PHTF1: variants seen among roughly 807,000 people sequenced by gnomAD.
PHTF1 encodes protein PHTF1.
A neutral mutation model predicts 102.4 loss-of-function variants in PHTF1; 88 were observed. That is an observed-to-expected ratio of 0.86 (90% confidence interval 0.72 to 1.03). PHTF1 has a LOEUF of 1.03. PHTF1 is among the 50% of genes least tolerant of loss of function. The pLI, the probability that PHTF1 is intolerant of heterozygous loss-of-function variation, is 0.00. For synonymous variants in PHTF1, 289 were observed against 305.2 expected (o/e 0.95, Z 0.55); for missense variants, 814 against 909.5 (o/e 0.89, Z 1.35).
intron 7 of PHTF1, among the ~76,000 whole-genome samples, chr1:113,720,906 C>T (rs186311182): frequency 8.5e-5 from 13 of 152,178 alleles, no homozygotes; most frequent in Admixed American, 2.6e-4. Flanking sequence ...GTTCTCAAAT[C>T]TCAATACTTG....
At chr1:113,725,183 C>G (rs1653646231) in intron 6 of PHTF1, among the ~76,000 whole-genome samples, 1 of 152,050 alleles carries the variant, frequency 6.6e-6, no homozygotes, top group South Asian at 2.1e-4. Flanking sequence ...TCTGTTCAGG[C>G]ACATTCAACA....
chr1:113,735,364 T>TAAAAA (rs1273125946), intron 5 of PHTF1, among the ~76,000 whole-genome samples: 1 of 3,874 alleles, frequency 2.6e-4, no homozygotes, highest in Non-Finnish European at 4.5e-4. Flanking sequence ...AGACTCTGTC[T>TAAAAA]CAAAAAAAAA....
intron 5 of PHTF1, among the ~76,000 whole-genome samples, chr1:113,729,510 C>T (rs1654326028): frequency 6.6e-6 from 1 of 151,866 alleles, no homozygotes; most frequent in Middle Eastern, 3.2e-3. Flanking sequence ...TCTCATCTAC[C>T]TTATAAATAT....
intron 5 of PHTF1, among the ~76,000 whole-genome samples, chr1:113,737,619 A>T (rs1250589052): frequency 6.6e-6 from 1 of 152,078 alleles, no homozygotes; most frequent in Non-Finnish European, 1.5e-5. Context: ...GCAGCATGAC[A>T]ACATCTTGTC....
intron 3 of PHTF1, among the ~76,000 whole-genome samples, chr1:113,750,455 A>C (rs1020394625): frequency 2.0e-5 from 3 of 152,210 alleles, no homozygotes; most frequent in Non-Finnish European, 4.4e-5. Flanking sequence ...GTTCACTCTA[A>C]TATTAATTTT....
intron 5 of PHTF1, among the ~76,000 whole-genome samples, chr1:113,728,479 G>C (rs1430903160): frequency 6.6e-6 from 1 of 152,200 alleles, no homozygotes; most frequent in Non-Finnish European, 1.5e-5. Flanking sequence ...GGAGAAAAGG[G>C]AACCCCCGTA....
chr1:113,706,847 C>CTT, intron 11 of PHTF1, 125 bp from the exon 12 acceptor site: 2 of 312,108 alleles, frequency 6.4e-6, no homozygotes, highest in Non-Finnish European at 1.1e-5. Flanking sequence ...TCCTTTCTTT[C>CTT]TTTCTTTTTT....
chr1:113,719,339 A>T, intron 7 of PHTF1, among the ~76,000 whole-genome samples: 1 of 151,942 alleles, frequency 6.6e-6, no homozygotes, highest in Non-Finnish European at 1.5e-5. Flanking sequence ...CAGGGCACAA[A>T]TTTTCCAAAC....
intron 3 of PHTF1, among the ~76,000 whole-genome samples, chr1:113,753,455 T>C (rs1301339890): frequency 6.6e-6 from 1 of 151,632 alleles, no homozygotes; most frequent in Non-Finnish European, 1.5e-5. Flanking sequence ...TGAGACGGAG[T>C]CTCGCTTTTG....
At chr1:113,711,060 G>C (rs1387906569) in intron 10 of PHTF1, among the ~76,000 whole-genome samples, 1 of 152,062 alleles carries the variant, frequency 6.6e-6, no homozygotes, top group Non-Finnish European at 1.5e-5. Flanking sequence ...TCTGGGAGGG[G>C]AGTGATTCCT....
chr1:113,701,826 T>TAAAAAAAAAAAAAAAAA, intron 15 of PHTF1, among the ~76,000 whole-genome samples: 30 of 28,002 alleles, frequency 1.1e-3, no homozygotes, highest in Non-Finnish European at 1.4e-3. Flanking sequence ...CAATTCCTGG[T>TAAAAAAAAAAAAAAAAA]AAAAAAAAAA....
intron 7 of PHTF1, among the ~76,000 whole-genome samples, chr1:113,719,958 A>C (rs545210236): frequency 6.6e-6 from 1 of 152,340 alleles, no homozygotes; most frequent in African/African-American, 2.4e-5. Context: ...GAGAAAGAAG[A>C]AGCAAAAGCA....
intron 3 of PHTF1, among the ~76,000 whole-genome samples, chr1:113,754,545 T>C (rs1047057439): frequency 2.0e-5 from 3 of 152,212 alleles, no homozygotes; most frequent in African/African-American, 7.2e-5. Context: ...TTATTTTTGG[T>C]ATTTCTTTCC....
intron 8 of PHTF1, 102 bp from the exon 9 acceptor site, chr1:113,712,215 G>A: frequency 1.1e-6 from 1 of 904,112 alleles, no homozygotes; most frequent in Admixed American, 2.7e-5. Context: ...CTACCAAGCA[G>A]CAAAAGTAAA....
Position 113,724,744 on chromosome 1 carries a change from A to G in PHTF1, c.623+15T>C. 1 of 1,583,856 alleles carries G rather than the reference A, an allele frequency of 6.3e-7. No individual in the cohort carries two copies. Among genetic ancestry groups the G allele is most frequent in the Non-Finnish European group, 8.6e-7 (1 of 1,167,916 alleles). Reference sequence around the variant, plus strand: ...ACACTACGTGAATACAAAATCAAGTAAAAAAGACTCCCACCTGTTGCCAAA... The same window carrying G: ...ACACTACGTGAATACAAAATCAAGTGAAAAAGACTCCCACCTGTTGCCAAA... On this transcript the variant is annotated intron_variant, in intron 7 of 18. Transcript: ENST00000369604.
At position 113,705,950 on chromosome 1, in the gene PHTF1, T is replaced by A. The variant is rs768484897; in HGVS notation, c.1611A>T (p.Arg537Ser). 2 of 1,613,976 alleles carry A rather than the reference T, an allele frequency of 1.2e-6. No individual in the cohort carries two copies. The highest frequency in any genetic ancestry group is 2.2e-5 in the South Asian group (2 of 91,078). Reference protein sequence around the residue: ...IVLSIINFFERLCLTWMFFFM... With the variant: ...IVLSIINFFESLCLTWMFFFM... ...AAAAAAACATCCAAGTAAGACACAA[T>A]CTTTCAAAAAAATTAATTATCGACA... The change falls in exon 13 of 19, where the codon AGA becomes AGT. Residue 537 changes from arginine (R) to serine (S), a missense_variant. Arg to Ser is a moderately radical substitution (Grantham distance 110, BLOSUM62 -1). Coordinates refer to ENST00000369604, the MANE Select transcript of PHTF1 (RefSeq NM_001323043.2).
intron 5 of PHTF1, among the ~76,000 whole-genome samples, chr1:113,727,341 C>T (rs996840279): frequency 2.0e-5 from 3 of 152,082 alleles, no homozygotes; most frequent in African/African-American, 7.2e-5. Context: ...AAAGTAAGCA[C>T]CATGAAGACA....
chr1:113,710,585 G>A, intron 10 of PHTF1, 110 bp from the exon 11 acceptor site: 1 of 729,500 alleles, frequency 1.4e-6, no homozygotes, highest in South Asian at 1.8e-5. Flanking sequence ...GCCTTCAGAA[G>A]TCAATCACCA....
rs1441071372 is a variant in PHTF1 at position 113,705,955 on chromosome 1, CA to C, written c.1605del (p.Phe535LeufsTer13). The C allele has an allele frequency of 2.5e-6, 4 of 1,613,804 alleles. No individual in the cohort carries two copies. The highest frequency in any genetic ancestry group is 1.3e-5 in the African/African-American group (1 of 74,894). ...PIIVLSIINF[F>X]ERLCLTWMFF... Reference sequence around the variant, plus strand: ...AACATCCAAGTAAGACACAATCTTTCAAAAAAATTAATTATCGACAAAACAA... The same window carrying C: ...AACATCCAAGTAAGACACAATCTTTCAAAAAATTAATTATCGACAAAACAA... On this transcript the variant is annotated frameshift_variant, in exon 13 of 19. Coordinates refer to ENST00000369604, the MANE Select transcript of PHTF1 (RefSeq NM_001323043.2). LOFTEE classifies it high-confidence loss of function.
Sources: allele counts gnomAD v4.1 joint callset (sites outside exome capture counted in the v4.1 genomes callset), GRCh38; gene constraint gnomAD v4.1.1; transcripts MANE v1.5; gene names NCBI Gene and HGNC (gene_info 2026-07-23, HGNC 2026-07-21).